Variants in ARHGAP20 observed in about 807,000 individuals in gnomAD.
The protein encoded by ARHGAP20 is rho GTPase-activating protein 20.
ARHGAP20 carries 34 observed loss-of-function variants against 73.7 expected under a neutral mutation model. The ratio of observed to expected loss-of-function variants is 0.46; its 90% confidence interval spans 0.35 to 0.61. The LOEUF is 0.61. Ranked by LOEUF, ARHGAP20 falls within the 20% of genes least tolerant of loss-of-function variation. The pLI is 0.00. For missense variants in ARHGAP20, 1,314 were observed against 1,420.9 expected (o/e 0.92, Z 1.21); for synonymous variants, 523 against 518.2 (o/e 1.01, Z -0.13).
intron 9 of ARHGAP20, among the ~76,000 whole-genome samples, chr11:110,602,216 C>T (rs970366537): frequency 1.1e-4 from 12 of 108,822 alleles, no homozygotes; most frequent in Non-Finnish European, 8.6e-5. Flanking sequence ...CAGGATACCA[C>T]AACATCTTTT....
At chr11:110,595,453 T>C (rs376895125) in intron 9 of ARHGAP20, among the ~76,000 whole-genome samples, 1 of 152,178 alleles carries the variant, frequency 6.6e-6, no homozygotes, top group African/African-American at 2.4e-5. Context: ...AGTCTCAGGA[T>C]ACAAAATCAA....
intron 12 of ARHGAP20, among the ~76,000 whole-genome samples, chr11:110,584,195 C>T (rs1044210892): frequency 6.6e-6 from 1 of 152,182 alleles, no homozygotes; most frequent in Non-Finnish European, 1.5e-5. Context: ...CCTTAGCTAT[C>T]AAGACGTCCA....
intron 2 of ARHGAP20, among the ~76,000 whole-genome samples, chr11:110,654,777 C>T (rs1949429417): frequency 6.6e-6 from 1 of 152,174 alleles, no homozygotes; most frequent in Non-Finnish European, 1.5e-5. Context: ...AAGCAAAATT[C>T]TCCAGCATAA....
At chr11:110,616,648 C>T (rs1384480312) in intron 4 of ARHGAP20, among the ~76,000 whole-genome samples, 3 of 151,304 alleles carry the variant, frequency 2.0e-5, no homozygotes, top group African/African-American at 4.8e-5. Flanking sequence ...TAAGCAATCT[C>T]CCAGGATTTG....
At chr11:110,696,333 T>C (rs1479130368) in intron 1 of ARHGAP20, among the ~76,000 whole-genome samples, 2 of 151,652 alleles carry the variant, frequency 1.3e-5, no homozygotes, top group Admixed American at 6.6e-5. Flanking sequence ...TTGATTTGGT[T>C]AATACCAAAG....
intron 2 of ARHGAP20, among the ~76,000 whole-genome samples, chr11:110,652,218 G>A (rs965073819): frequency 2.0e-5 from 3 of 152,062 alleles, no homozygotes; most frequent in African/African-American, 7.2e-5. Context: ...AAAAAATTAG[G>A]TATTGAAGAA....
chr11:110,664,751 A>C (rs1346348728), intron 2 of ARHGAP20, among the ~76,000 whole-genome samples: 2 of 151,688 alleles, frequency 1.3e-5, no homozygotes, highest in Non-Finnish European at 2.9e-5. Context: ...AAAAAGAAAA[A>C]AGAAAGAAAG....
intron 1 of ARHGAP20, among the ~76,000 whole-genome samples, chr11:110,701,892 T>G (rs1327552827): frequency 1.3e-5 from 2 of 152,230 alleles, no homozygotes; most frequent in East Asian, 3.9e-4. Context: ...CAGATAGTTG[T>G]AGATATGCGG....
chr11:110,609,261 A>G (rs1409261144), intron 7 of ARHGAP20, among the ~76,000 whole-genome samples: 1 of 152,102 alleles, frequency 6.6e-6, no homozygotes, highest in Non-Finnish European at 1.5e-5. Flanking sequence ...TAAAGGAAAA[A>G]CAATCTTCCT....
At position 110,614,636 on chromosome 11, in the gene ARHGAP20, A is replaced by G. The variant is rs1948444741; in HGVS notation, c.555T>C (p.Asn185=). 6.2e-7 allele frequency: 1 copy of G among 1,610,958 alleles called. No individual in the cohort carries two copies. Among genetic ancestry groups the G allele is most frequent in the Non-Finnish European group, 8.5e-7 (1 of 1,178,642 alleles). ...KWLSLLQRYI[N]LEKEKDYPKS... is the part of the protein sequence containing the mutation. The stretch of plus-strand genomic sequence containing the variant: ...TCGGGTAGTCCTTTTCTTTCTCTAG[A>G]TTGATGTATCTAATCAAATGCAACA... The change falls in exon 6 of 15, where the codon AAT becomes AAC. Residue 185 remains asparagine, a synonymous_variant. Coordinates refer to ENST00000683387, the MANE Select transcript of ARHGAP20 (RefSeq NM_001384657.1).
At chr11:110,624,374 T>A in intron 3 of ARHGAP20, 63 bp from the exon 4 acceptor site, 2 of 1,347,540 alleles carry the variant, frequency 1.5e-6, no homozygotes, top group African/African-American at 1.5e-5. Context: ...TATGGGAGCT[T>A]CTCTGGAAGG....
chr11:110,579,439 C>T lies in ARHGAP20; in HGVS notation c.3507G>A (p.Ala1169=), dbSNP rs141396989. Residue 1169 remains alanine (A), a synonymous_variant, in exon 15 of 15, where the codon GCG becomes GCA. Transcript: ENST00000683387. ...ASASSWTLED[A]TSPDSGPTVV... is the part of the protein sequence containing the mutation. Reference sequence around the variant, plus strand: ...CTGTAGGCCCTGAGTCTGGGCTGGTCGCATCCTCTAGAGTCCAAGAGCTGG... The same window carrying T: ...CTGTAGGCCCTGAGTCTGGGCTGGTTGCATCCTCTAGAGTCCAAGAGCTGG... 689 of 1,613,868 alleles carry T rather than the reference C, an allele frequency of 4.3e-4. 6 individuals carry two copies. The East Asian group carries it at 0.013, about 31-fold the overall frequency.
At chr11:110,661,649 T>C (rs1469159190) in intron 2 of ARHGAP20, among the ~76,000 whole-genome samples, 2 of 152,146 alleles carry the variant, frequency 1.3e-5, no homozygotes, top group East Asian at 3.8e-4. Flanking sequence ...AAAATAAACA[T>C]AATTCACATT....
chr11:110,637,325 T>G (rs1948988666), intron 2 of ARHGAP20, among the ~76,000 whole-genome samples: 1 of 152,072 alleles, frequency 6.6e-6, no homozygotes, highest in African/African-American at 2.4e-5. Context: ...CTGGATAACC[T>G]TAAAGCCTGG....
At chr11:110,659,681 T>A (rs900504698) in intron 2 of ARHGAP20, among the ~76,000 whole-genome samples, 1 of 152,028 alleles carries the variant, frequency 6.6e-6, no homozygotes, top group South Asian at 2.1e-4. Context: ...TAGACTGGAT[T>A]AAGAAAATGT....
intron 2 of ARHGAP20, among the ~76,000 whole-genome samples, chr11:110,690,161 G>C (rs1203594431): frequency 6.6e-6 from 1 of 152,012 alleles, no homozygotes; most frequent in African/African-American, 2.4e-5. Flanking sequence ...TCTAAAGTTG[G>C]TAAGAAAAAC....
chr11:110,668,833 T>C (rs748279224), intron 2 of ARHGAP20, among the ~76,000 whole-genome samples: 5 of 152,174 alleles, frequency 3.3e-5, no homozygotes, highest in African/African-American at 4.8e-5. Context: ...CTCTGAGGTA[T>C]GCCTGAATTT....
intron 2 of ARHGAP20, among the ~76,000 whole-genome samples, chr11:110,643,028 A>C (rs752237135): frequency 1.3e-5 from 2 of 152,044 alleles, no homozygotes; most frequent in Admixed American, 6.6e-5. Context: ...ATTTCCAGGA[A>C]TTTGTCCATC....
At chr11:110,701,994 T>C (rs959019823) in intron 1 of ARHGAP20, among the ~76,000 whole-genome samples, 1 of 152,140 alleles carries the variant, frequency 6.6e-6, no homozygotes, top group Non-Finnish European at 1.5e-5. Context: ...AGCCTTGTAG[T>C]ATAGTTTGAA....
Sources: allele counts gnomAD v4.1 joint callset (sites outside exome capture counted in the v4.1 genomes callset), GRCh38; gene constraint gnomAD v4.1.1; transcripts MANE v1.5; gene names NCBI Gene and HGNC (gene_info 2026-07-23, HGNC 2026-07-21).